The following ASIC2 variants were observed in gnomAD, a reference collection of about 807,000 sequenced individuals.
The protein encoded by ASIC2 is acid sensing ion channel subunit 2.
ASIC2 carries 25 observed loss-of-function variants against 57.3 expected under a neutral mutation model. That is an observed-to-expected ratio of 0.44 (90% CI 0.32 to 0.61). The LOEUF (loss-of-function observed/expected upper bound fraction) is 0.61, where lower values mean the gene tolerates loss of function less well. Among genes scored for constraint, ASIC2 ranks in the 20% least tolerant of loss-of-function variants. ASIC2 has a pLI of 0.06. For synonymous variants in ASIC2, 319 were observed against 307.5 expected, an observed-to-expected ratio of 1.04 and a Z score of -0.39; for missense variants, 641 against 738.1, an observed-to-expected ratio of 0.87 and a Z score of 1.52.
intron 1 of ASIC2, among the ~76,000 whole-genome samples, chr17:33,663,852 A>G (rs970418143): frequency 3.9e-5 from 6 of 152,044 alleles, no homozygotes; most frequent in Admixed American, 3.9e-4. Flanking sequence ...TGTCTTCCAA[A>G]TGTTCTCAGC....
chr17:33,036,058 G>A (rs1046882321), intron 3 of ASIC2, among the ~76,000 whole-genome samples: 5 of 152,130 alleles, frequency 3.3e-5, no homozygotes, highest in Non-Finnish European at 5.9e-5. Context: ...GTCTCTCTCC[G>A]GTGCTGTCAA....
At chr17:33,296,183 A>G (rs1180815730), upstream of ASIC2, among the ~76,000 whole-genome samples, 1 of 152,192 alleles carries the variant, frequency 6.6e-6, no homozygotes, top group East Asian at 1.9e-4. Flanking sequence ...AGTATCATAC[A>G]TGCTCTAAGT....
chr17:33,865,709 T>C (rs1914214242), intron 1 of ASIC2, among the ~76,000 whole-genome samples: 1 of 146,844 alleles, frequency 6.8e-6, no homozygotes, highest in Non-Finnish European at 1.5e-5. Flanking sequence ...GTAACTAACC[T>C]GCACAATGTG....
At chr17:33,220,808 C>T (rs1220621679) in intron 1 of ASIC2, among the ~76,000 whole-genome samples, 2 of 152,126 alleles carry the variant, frequency 1.3e-5, no homozygotes, top group African/African-American at 4.8e-5. Flanking sequence ...TGGCTCATAC[C>T]TGTAATCCCA....
intron 1 of ASIC2, among the ~76,000 whole-genome samples, chr17:33,713,016 T>C (rs2142077779): frequency 6.6e-6 from 1 of 152,322 alleles, no homozygotes; most frequent in Admixed American, 6.5e-5. Context: ...TAGTATGATA[T>C]AATGCTATCA....
At chr17:33,390,270 G>A (rs547190625) in intron 1 of ASIC2, among the ~76,000 whole-genome samples, 5 of 151,952 alleles carry the variant, frequency 3.3e-5, no homozygotes, top group East Asian at 1.9e-4. Context: ...CTGAGATCAC[G>A]CCACTGCACT....
chr17:34,024,754 T>C (rs966239925), intron 1 of ASIC2, among the ~76,000 whole-genome samples: 5 of 152,140 alleles, frequency 3.3e-5, no homozygotes, highest in Non-Finnish European at 5.9e-5. Flanking sequence ...TTAGTCCCTC[T>C]CCATCCTGCA....
chr17:34,147,607 T>C (rs568238056), intron 1 of ASIC2, among the ~76,000 whole-genome samples: 2 of 152,306 alleles, frequency 1.3e-5, no homozygotes, highest in Admixed American at 1.3e-4. Context: ...AAGCCCAGTC[T>C]GTATGGTTTT....
intron 1 of ASIC2, among the ~76,000 whole-genome samples, chr17:33,637,881 T>C (rs956938993): frequency 6.6e-6 from 1 of 152,000 alleles, no homozygotes; most frequent in African/African-American, 2.4e-5. Flanking sequence ...GGCTGAGAGG[T>C]TAGGGTTTTT....
chr17:33,207,389 AC>A (rs1459024043), intron 1 of ASIC2, among the ~76,000 whole-genome samples: 1 of 152,224 alleles, frequency 6.6e-6, no homozygotes. Context: ...TAAAGTCTAT[AC>A]CCACAATTCA....
At chr17:33,360,922 C>T (rs907403567) in intron 1 of ASIC2, among the ~76,000 whole-genome samples, 1 of 152,200 alleles carries the variant, frequency 6.6e-6, no homozygotes, top group Non-Finnish European at 1.5e-5. Context: ...CACTGCAGAA[C>T]CTCCCTTAAT....
At chr17:33,902,676 C>G (rs968601806) in intron 1 of ASIC2, among the ~76,000 whole-genome samples, 1 of 152,184 alleles carries the variant, frequency 6.6e-6, no homozygotes, top group African/African-American at 2.4e-5. Flanking sequence ...CAATGCAAGA[C>G]AGTCAACATC....
chr17:33,635,623 A>G (rs1158295621), intron 1 of ASIC2, among the ~76,000 whole-genome samples: 1 of 152,218 alleles, frequency 6.6e-6, no homozygotes, highest in Non-Finnish European at 1.5e-5. Context: ...CTTAAGAAAG[A>G]CAGTTAAATA....
intron 1 of ASIC2, among the ~76,000 whole-genome samples, chr17:33,311,237 G>A (rs1001131804): frequency 5.3e-5 from 8 of 152,190 alleles, no homozygotes; most frequent in Non-Finnish European, 1.2e-4. Context: ...CCATTTCATA[G>A]ATCGGGGGAG....
intron 1 of ASIC2, chr17:33,955,205 C>T (rs760667565): frequency 3.9e-5 from 6 of 152,220 alleles, no homozygotes; most frequent in Non-Finnish European, 7.3e-5. Context: ...TCTAATACCA[C>T]ACTCTAGCCA....
chr17:33,554,471 G>T (rs79756092), intron 1 of ASIC2, among the ~76,000 whole-genome samples: 8,990 of 152,168 alleles, frequency 0.059, 520 homozygotes, highest in East Asian at 0.29. Flanking sequence ...TCTCTACTAT[G>T]TCAATAAGAT....
At position 33,292,757 on chromosome 17, in the gene ASIC2, C is replaced by T; in HGVS notation, c.-642G>A. ...TGAGTGGTCGCCTTGCCGGCTGCCG[C>T]CTTCTTTCCCTTCCCCTCCAGGACC... On this transcript the variant is annotated 5_prime_UTR_variant, in exon 1 of 10. Coordinates refer to ENST00000225823, the MANE Select transcript of ASIC2 (RefSeq NM_183377.2). The T allele has an allele frequency of 2.0e-6, 2 of 985,924 alleles. No homozygotes were observed. Among genetic ancestry groups the T allele is most frequent in the Non-Finnish European group, 2.4e-6 (2 of 830,406 alleles). 61.1% of individuals were successfully genotyped at this position (985,924 alleles called of 1,614,324 possible). A position where few individuals can be genotyped will look rare whatever the true frequency, so the allele number is the denominator to read the frequency against.
chr17:33,658,072 C>CT (rs1907132730), intron 1 of ASIC2, among the ~76,000 whole-genome samples: 1 of 152,158 alleles, frequency 6.6e-6, no homozygotes, highest in South Asian at 2.1e-4. Context: ...TAGCCCTCAC[C>CT]TGAGGCCTCA....
At chr17:33,677,327 C>T (rs2142055209) in intron 1 of ASIC2, among the ~76,000 whole-genome samples, 1 of 152,302 alleles carries the variant, frequency 6.6e-6, no homozygotes, top group Admixed American at 6.5e-5. Context: ...TAAGTTGAAG[C>T]CAATGCTCAT....
Sources: gnomAD v4.1 joint callset for allele counts (sites outside exome capture counted in the v4.1 genomes callset) on GRCh38, gnomAD v4.1.1 for gene constraint, MANE v1.5 for transcripts, NCBI Gene and HGNC (gene_info 2026-07-23, HGNC 2026-07-21) for gene names.